GRM7: variants seen among roughly 807,000 people sequenced by gnomAD.
GRM7 encodes the protein metabotropic glutamate receptor 7.
Under a neutral mutation model 84.5 loss-of-function variants are expected in GRM7, and 35 were observed. The ratio of observed to expected loss-of-function variants is 0.41; its 90% CI spans 0.32 to 0.55. The LOEUF (loss-of-function observed/expected upper bound fraction) is 0.55. Among genes scored for constraint, GRM7 ranks in the 20% least tolerant of loss-of-function variants. The probability of loss-of-function intolerance (pLI) is 0.19; values close to 1 mark genes in which losing one functional copy is unlikely to be tolerated. For missense variants in GRM7, 1,003 were observed against 1,194.6 expected, an observed-to-expected ratio of 0.84 and a Z score of 2.36; for synonymous variants, 487 against 455.1, an observed-to-expected ratio of 1.07 and a Z score of -0.89.
intron 7 of GRM7, among the ~76,000 whole-genome samples, chr3:7,525,295 C>T (rs1272786080): frequency 2.6e-5 from 4 of 151,938 alleles, no homozygotes; most frequent in Non-Finnish European, 5.9e-5. Context: ...CTGTGGTACA[C>T]GTGTCGGAAT....
chr3:7,370,927 T>A (rs1472127003), intron 4 of GRM7, among the ~76,000 whole-genome samples: 1 of 152,200 alleles, frequency 6.6e-6, no homozygotes, highest in African/African-American at 2.4e-5. Context: ...TTCAGTAAAT[T>A]AATCTATGCT....
chr3:7,538,183 C>A (rs1026049384), intron 7 of GRM7, among the ~76,000 whole-genome samples: 1 of 152,184 alleles, frequency 6.6e-6, no homozygotes. Flanking sequence ...AATTTCAGCT[C>A]ACTGCAACCT....
At chr3:7,393,384 G>C (rs1695082043) in intron 4 of GRM7, among the ~76,000 whole-genome samples, 2 of 152,106 alleles carry the variant, frequency 1.3e-5, no homozygotes, top group Admixed American at 1.3e-4. Context: ...TGAGTCGAGG[G>C]TTTCTCCCAT....
At chr3:7,260,089 T>C (rs1264872638) in intron 2 of GRM7, among the ~76,000 whole-genome samples, 1 of 151,974 alleles carries the variant, frequency 6.6e-6, no homozygotes, top group Non-Finnish European at 1.5e-5. Context: ...CACATGTATG[T>C]CTTCTTTTGA....
intron 8 of GRM7, among the ~76,000 whole-genome samples, chr3:7,590,877 C>T (rs574366493): frequency 7.2e-5 from 11 of 152,128 alleles, no homozygotes; most frequent in Non-Finnish European, 1.0e-4. Flanking sequence ...TCACGTGTAC[C>T]TGTATCTCCT....
chr3:6,933,825 T>C (rs1336016911), intron 1 of GRM7, among the ~76,000 whole-genome samples: 1 of 152,150 alleles, frequency 6.6e-6, no homozygotes, highest in Admixed American at 6.5e-5. Flanking sequence ...GATCCTACTA[T>C]TCAGGAAAGA....
chr3:7,237,674 T>G (rs1307394210), intron 2 of GRM7, among the ~76,000 whole-genome samples: 1 of 151,730 alleles, frequency 6.6e-6, no homozygotes, highest in African/African-American at 2.4e-5. Flanking sequence ...ACCCAAAGAG[T>G]GAGCAGCAGC....
chr3:6,861,473 G>C lies in GRM7; in HGVS notation c.85G>C (p.Ala29Pro). 6.3e-7 allele frequency: 1 copy of C among 1,583,040 alleles called. No individual in the cohort carries two copies. Among genetic ancestry groups the C allele is most frequent in the Non-Finnish European group, 8.6e-7 (1 of 1,167,634 alleles). ...CVLEVLLCAL[A>P]AAARGQEMYA... ...GCTGGAGGTGCTCCTGTGCGCGCTG[G>C]CGGCGGCGGCGCGCGGCCAGGAGAT... Residue 29 changes from alanine (A) to proline (P), a missense_variant, in exon 1 of 10, where the codon GCG becomes CCG. Coordinates refer to ENST00000357716, the MANE Select transcript of GRM7 (RefSeq NM_000844.4). The surrounding 1 kb of genome is among the most constrained non-coding windows in gnomAD (Gnocchi z 6.4).
chr3:7,133,769 C>A (rs909589914), intron 1 of GRM7, among the ~76,000 whole-genome samples: 2 of 152,108 alleles, frequency 1.3e-5, no homozygotes, highest in African/African-American at 4.8e-5. Context: ...TCCTAGGTTA[C>A]TGACCGGCAA....
At chr3:7,154,349 G>A (rs1260105135) in intron 2 of GRM7, among the ~76,000 whole-genome samples, 1 of 152,130 alleles carries the variant, frequency 6.6e-6, no homozygotes, top group Non-Finnish European at 1.5e-5. Flanking sequence ...TTTCTCCCAG[G>A]CTATGGATTG....
In GRM7 at chr3:7,348,722, AT is replaced by A. The variant is rs1693001023; in HGVS notation, c.1033+42072del. Among the ~76,000 whole-genome samples, 4 of 152,226 alleles carry A rather than the reference AT, an allele frequency of 2.6e-5. No homozygotes were observed. In the South Asian group the frequency reaches 8.3e-4, roughly 32 times the overall value. On this transcript the variant is annotated intron_variant, in intron 4 of 9. Coordinates refer to ENST00000357716, the MANE Select transcript of GRM7 (RefSeq NM_000844.4). ...GGAACTTATCAGATCAGAGATGCAA[AT>A]TATGAGGCTACATCTCAGATCTACT...
At chr3:7,452,867 G>T in intron 6 of GRM7, 60 bp downstream of exon 6, 1 of 998,168 alleles carries the variant, frequency 1.0e-6, no homozygotes. Context: ...TGTTTCATAA[G>T]TTTTAAATGT....
At chr3:7,727,370 A>G (rs1702165641) in intron 9 of GRM7, among the ~76,000 whole-genome samples, 1 of 152,194 alleles carries the variant, frequency 6.6e-6, no homozygotes, top group African/African-American at 2.4e-5. Flanking sequence ...ACTAAATCAT[A>G]GATTGACTAA....
chr3:7,327,542 T>A (rs1215224559), intron 4 of GRM7, among the ~76,000 whole-genome samples: 1 of 152,204 alleles, frequency 6.6e-6, no homozygotes, highest in Non-Finnish European at 1.5e-5. Flanking sequence ...TATTTAACAT[T>A]TTGACCTTTA....
At chr3:7,550,542 T>G (rs1174352469) in intron 7 of GRM7, among the ~76,000 whole-genome samples, 1 of 126,246 alleles carries the variant, frequency 7.9e-6, no homozygotes, top group Non-Finnish European at 1.6e-5. Flanking sequence ...TTCTTCTCCC[T>G]TTTCTTCTCT....
At chr3:7,641,935 G>A (rs1414628060) in intron 8 of GRM7, among the ~76,000 whole-genome samples, 1 of 111,606 alleles carries the variant, frequency 9.0e-6, no homozygotes. Flanking sequence ...TTGAAATCAA[G>A]ATGGGGAAAA....
intron 2 of GRM7, among the ~76,000 whole-genome samples, chr3:7,205,416 A>T (rs1696202214): frequency 6.6e-6 from 1 of 152,220 alleles, no homozygotes; most frequent in Admixed American, 6.5e-5. Flanking sequence ...TAGACTTCTG[A>T]TGGTGCCAGG....
intron 8 of GRM7, among the ~76,000 whole-genome samples, chr3:7,654,564 C>A (rs1340030834): frequency 1.3e-5 from 2 of 152,140 alleles, no homozygotes; most frequent in Non-Finnish European, 2.9e-5. Context: ...TGACTGTTTC[C>A]AGTCCAGTGA....
chr3:7,096,258 C>T (rs1417120254), intron 1 of GRM7, among the ~76,000 whole-genome samples: 1 of 151,930 alleles, frequency 6.6e-6, no homozygotes, highest in Non-Finnish European at 1.5e-5. Flanking sequence ...GAGTGCAGAC[C>T]CCACAAGGTA....
Sources: gnomAD v4.1 joint callset for allele counts (sites outside exome capture counted in the v4.1 genomes callset) on GRCh38, gnomAD v4.1.1 for gene constraint, Gnocchi (gnomAD v3.1) non-coding constraint, MANE v1.5 for transcripts, NCBI Gene and HGNC (gene_info 2026-07-23, HGNC 2026-07-21) for gene names.